Variants in OPRM1 observed in about 807,000 individuals in gnomAD.
The protein encoded by OPRM1 is opioid receptor mu 1.
In OPRM1, 27 loss-of-function variants were observed where a neutral mutation model predicts 31.8. The observed-to-expected ratio is 0.85, with a 90% CI of 0.63 to 1.17. OPRM1 has a LOEUF of 1.17. Ranked by LOEUF, OPRM1 falls within the 50% of genes most tolerant of loss-of-function variation. The pLI is 0.00. For synonymous variants in OPRM1, 196 were observed against 189.9 expected, an observed-to-expected ratio of 1.03 and a Z score of -0.26; for missense variants, 536 against 511.1, an observed-to-expected ratio of 1.05 and a Z score of -0.47.
intron 3 of OPRM1, among the ~76,000 whole-genome samples, chr6:154,153,475 G>A (rs868587783): frequency 5.3e-5 from 8 of 152,180 alleles, no homozygotes; most frequent in South Asian, 2.1e-4. Flanking sequence ...CCTGAGGTCA[G>A]GAGTTCAAGA....
chr6:154,144,484 A>G (rs1252296530), intron 3 of OPRM1, among the ~76,000 whole-genome samples: 1 of 152,150 alleles, frequency 6.6e-6, no homozygotes, highest in East Asian at 1.9e-4. Context: ...TGGTGGCTCA[A>G]GCCTGTAATC....
intron 1 of OPRM1, among the ~76,000 whole-genome samples, chr6:154,060,721 A>C (rs1019013987): frequency 6.6e-6 from 1 of 152,178 alleles, no homozygotes; most frequent in Non-Finnish European, 1.5e-5. Context: ...ATGAGGTGAC[A>C]CTAGCCATAA....
chr6:154,099,652 C>CATATAT (rs758907437), intron 3 of OPRM1, among the ~76,000 whole-genome samples: 16 of 30,706 alleles, frequency 5.2e-4, no homozygotes, highest in Admixed American at 2.5e-3. Context: ...CATATATATA[C>CATATAT]ACACATGTAT....
intron 3 of OPRM1, among the ~76,000 whole-genome samples, chr6:154,112,302 A>G (rs1188627731): frequency 1.3e-5 from 2 of 152,216 alleles, no homozygotes; most frequent in African/African-American, 2.4e-5. Flanking sequence ...TCACAATTTT[A>G]TGGGTGCTAG....
chr6:154,243,500 T>C (rs9478527), intron 3 of OPRM1, among the ~76,000 whole-genome samples: 59,840 of 151,952 alleles, frequency 0.39, 12,032 homozygotes, highest in Middle Eastern at 0.49. Flanking sequence ...TGGGTAGCAA[T>C]AGCATAAAAC....
chr6:154,145,553 G>A (rs1056820842), intron 3 of OPRM1, among the ~76,000 whole-genome samples: 2 of 152,258 alleles, frequency 1.3e-5, no homozygotes, highest in Admixed American at 1.3e-4. Context: ...AAGACTCAAT[G>A]AAATAAAGAT....
upstream of OPRM1, among the ~76,000 whole-genome samples, chr6:154,036,680 A>G (rs551643845): frequency 6.6e-6 from 1 of 152,068 alleles, no homozygotes; most frequent in African/African-American, 2.4e-5. Context: ...GTTTTCCCAT[A>G]AAGATGTTTT....
At chr6:154,135,582 G>A (rs1247465687), downstream of OPRM1, among the ~76,000 whole-genome samples, 1 of 152,084 alleles carries the variant, frequency 6.6e-6, no homozygotes, top group Non-Finnish European at 1.5e-5. Context: ...CCAGATGTGG[G>A]GGAAACTTTG....
chr6:154,210,545 G>A (rs1276603335), intron 3 of OPRM1, among the ~76,000 whole-genome samples: 1 of 152,110 alleles, frequency 6.6e-6, no homozygotes, highest in African/African-American at 2.4e-5. Context: ...GTCTTTAGAG[G>A]CATTAAAGGG....
At chr6:154,222,776 C>T (rs1200214882) in intron 3 of OPRM1, among the ~76,000 whole-genome samples, 2 of 152,190 alleles carry the variant, frequency 1.3e-5, no homozygotes, top group African/African-American at 4.8e-5. Flanking sequence ...ACTCCATGAA[C>T]TAAGAAAGAA....
At chr6:154,220,452 T>A (rs904495816) in intron 3 of OPRM1, among the ~76,000 whole-genome samples, 2 of 151,960 alleles carry the variant, frequency 1.3e-5, no homozygotes, top group Middle Eastern at 3.4e-3. Flanking sequence ...AGGTCAGGAG[T>A]TCGAGACCAG....
chr6:154,057,645 T>C (rs576058117), intron 1 of OPRM1, among the ~76,000 whole-genome samples: 1 of 152,340 alleles, frequency 6.6e-6, no homozygotes, highest in East Asian at 1.9e-4. Flanking sequence ...CTATTGACCA[T>C]AATTTATAAG....
At chr6:154,095,090 G>A (rs55673348) in intron 3 of OPRM1, among the ~76,000 whole-genome samples, 2,719 of 152,262 alleles carry the variant, frequency 0.018, 31 homozygotes, top group Non-Finnish European at 0.027. Context: ...TCAGGAGTTC[G>A]AGACCAGCCT....
chr6:154,115,717 G>A (rs1397761261), intron 3 of OPRM1, among the ~76,000 whole-genome samples: 1 of 152,236 alleles, frequency 6.6e-6, no homozygotes, highest in African/African-American at 2.4e-5. Context: ...TAGAGGTTCT[G>A]AGGGGGTGAT....
At chr6:154,227,962 A>T (rs1779394432) in intron 3 of OPRM1, among the ~76,000 whole-genome samples, 1 of 143,422 alleles carries the variant, frequency 7.0e-6, no homozygotes, top group African/African-American at 2.6e-5. Context: ...TTGTGTCAAA[A>T]AATGGTCCTT....
chr6:154,060,374 GA>G (rs2128433486), intron 1 of OPRM1, among the ~76,000 whole-genome samples: 1 of 152,234 alleles, frequency 6.6e-6, no homozygotes, highest in South Asian at 2.1e-4. Flanking sequence ...CAAAGTAGTG[GA>G]AACTCCCACA....
intron 3 of OPRM1, among the ~76,000 whole-genome samples, chr6:154,193,447 A>G (rs1167947863): frequency 6.6e-6 from 1 of 152,196 alleles, no homozygotes; most frequent in Non-Finnish European, 1.5e-5. Flanking sequence ...ATCACCACTG[A>G]AGAACTCATT....
chr6:154,171,967 T>A (rs1355661499), intron 3 of OPRM1, among the ~76,000 whole-genome samples: 1 of 152,170 alleles, frequency 6.6e-6, no homozygotes, highest in African/African-American at 2.4e-5. Context: ...TTAACAAACA[T>A]CAACAAGCAA....
chr6:154,022,956 C>A (rs1341175801), intron 1 of OPRM1, among the ~76,000 whole-genome samples: 1 of 151,962 alleles, frequency 6.6e-6, no homozygotes, highest in Admixed American at 6.6e-5. Context: ...TACTTTAGCT[C>A]TGTAGTACAA....
Sources: allele counts gnomAD v4.1 joint callset (sites outside exome capture counted in the v4.1 genomes callset), GRCh38; gene constraint gnomAD v4.1.1; transcripts MANE v1.5; gene names NCBI Gene and HGNC (gene_info 2026-07-23, HGNC 2026-07-21).